The following ASPSCR1 variants were observed in gnomAD, a reference collection of about 807,000 sequenced individuals.
The protein encoded by ASPSCR1 is ASPSCR1 tether for SLC2A4, UBX domain containing, also known as tether containing UBX domain for GLUT4.
Under a neutral mutation model 68.9 loss-of-function variants are expected in ASPSCR1, and 55 were observed. That is an observed-to-expected ratio of 0.80 (90% CI 0.64 to 1.00). ASPSCR1 has a LOEUF of 1.00. ASPSCR1 is among the 50% of genes least tolerant of loss of function. The pLI is 0.00. For missense variants in ASPSCR1, 765 were observed against 762.2 expected (o/e 1.00, Z -0.04); for synonymous variants, 352 against 332.6 (o/e 1.06, Z -0.63).
In ASPSCR1 at chr17:82,014,797, TGGGGCAAGGGGTTGGCAGCAGAGAGGC is replaced by T. The variant is rs545387367; in HGVS notation, c.1354-1676_1354-1650del. The T allele has an allele frequency of 1.6e-4, 84 of 515,850 alleles. 1 individual carries two copies. In the South Asian group the frequency reaches 2.0e-3, roughly 12 times the overall value. 32.0% of individuals were successfully genotyped at this position (515,850 alleles called of 1,614,324 possible). On this transcript the variant is annotated intron_variant, in intron 12 of 15. Transcript: ENST00000306739. ...GGAAGCTCTTCCTGGCAACACTGAGTGGGGCAAGGGGTTGGCAGCAGAGAGGCGGCTGGATTTGGGGCCCCAGTGTCC... is the reference window on the plus strand; with the variant it reads ...GGAAGCTCTTCCTGGCAACACTGAGTGGCTGGATTTGGGGCCCCAGTGTCC...
intron 15 of ASPSCR1, 52 bp from the exon 16 acceptor site, chr17:82,017,257 C>T (rs923858097): frequency 1.2e-4 from 200 of 1,606,740 alleles, no homozygotes; most frequent in Middle Eastern, 3.5e-4. Flanking sequence ...GGCGGGTGGC[C>T]GGGTGGTGAG....
At chr17:82,016,349 T>C in intron 12 of ASPSCR1, 127 bp from the exon 13 acceptor site, 1 of 841,482 alleles carries the variant, frequency 1.2e-6, no homozygotes. Context: ...GATGGGCTCA[T>C]GGGGGCCGGG....
chr17:82,015,390 G>A, intron 12 of ASPSCR1: 1 of 1,573,704 alleles, frequency 6.4e-7, no homozygotes, highest in African/African-American at 1.3e-5. Flanking sequence ...CCTGCACAGA[G>A]GCGCAGACAG....
intron 4 of ASPSCR1, among the ~76,000 whole-genome samples, chr17:81,988,237 G>T (rs1298068264): frequency 6.6e-6 from 1 of 150,492 alleles, no homozygotes; most frequent in Non-Finnish European, 1.5e-5. Context: ...GAGGTGGGTG[G>T]ATCACCTGAG....
intron 3 of ASPSCR1, among the ~76,000 whole-genome samples, chr17:81,984,403 C>T (rs1196400390): frequency 1.3e-5 from 2 of 151,970 alleles, no homozygotes; most frequent in Middle Eastern, 3.2e-3. Context: ...ATAATGAAAC[C>T]CCGTCTCTAC....
intron 8 of ASPSCR1, 143 bp downstream of exon 8, chr17:82,009,334 T>G: frequency 1.4e-6 from 2 of 1,387,826 alleles, no homozygotes; most frequent in Non-Finnish European, 1.9e-6. Context: ...CCTCAGAGGG[T>G]TGGGGCCCAG....
At position 82,016,462 on chromosome 17, in the gene ASPSCR1, C is replaced by T. The variant is rs372038468; in HGVS notation, c.1354-14C>T. On this transcript the variant is annotated splice_polypyrimidine_tract_variant and intron_variant, in intron 12 of 15. Transcript: ENST00000306739. Reference sequence around the variant, plus strand: ...GCCCACACCCGGCCCCTGAGCCCCCCGCCCTCCCTGCAGGCGAACCTCTTC... The same window carrying T: ...GCCCACACCCGGCCCCTGAGCCCCCTGCCCTCCCTGCAGGCGAACCTCTTC... 51 of 1,547,110 alleles carry T rather than the reference C, an allele frequency of 3.3e-5. No homozygotes were observed. In the African/African-American group the frequency reaches 6.0e-4, roughly 18 times the overall value.
Position 81,979,354 on chromosome 17 carries a change from C to T in ASPSCR1, c.158+115C>T, listed in dbSNP as rs570559493. The T allele has an allele frequency of 2.1e-3, 2,491 of 1,180,484 alleles. 4 individuals carry two copies. The highest frequency in any genetic ancestry group is 2.7e-3 in the Non-Finnish European group (2,145 of 804,516). The allele number at this position is 1,180,484 out of a possible 1,614,324, so 73.1% of individuals were successfully genotyped here. A position where few individuals can be genotyped will look rare whatever the true frequency, so the allele number is the denominator to read the frequency against. On this transcript the variant is annotated intron_variant, in intron 2 of 15. Transcript: ENST00000306739. ...GGTGGTTTTAAACAGTCATATATTC[C>T]CTCCCAACTCTGGAGACCCAAGGCC...
intron 12 of ASPSCR1, chr17:82,013,805 T>G (rs1475997358): frequency 6.6e-6 from 1 of 152,658 alleles, no homozygotes; most frequent in Non-Finnish European, 1.5e-5. Context: ...GGCACCACTG[T>G]GGGGAACAAA....
chr17:81,983,507 G>A lies in ASPSCR1; in HGVS notation c.159-47G>A, dbSNP rs776731631. 18 of 1,465,390 alleles carry A rather than the reference G, an allele frequency of 1.2e-5. No individual in the cohort carries two copies. The highest frequency in any genetic ancestry group is 4.6e-5 in the East Asian group (2 of 43,012). 90.8% of individuals were successfully genotyped at this position (1,465,390 alleles called of 1,614,324 possible). On this transcript the variant is annotated intron_variant, in intron 2 of 15. Transcript: ENST00000306739. This position sits in a 1 kb window ranked among gnomAD's most constrained non-coding sequence, Gnocchi z 4.4. ...GATGGCGGGGCGTGGATGGCAGGGC[G>A]TGTCAGGCTCTGCAGGGCAGCAAGT...
rs112338243 is a variant in ASPSCR1 at position 81,989,518 on chromosome 17, C to T, written c.374+3911C>T. 9.3e-3 allele frequency among the ~76,000 whole-genome samples: 1,421 copies of T among 152,240 alleles called. 10 individuals are homozygous for T. Among genetic ancestry groups the T allele is most frequent in the Admixed American group, 0.013 (198 of 15,294 alleles). ...CTGATGTTTCTTCTTTCATGTGTTT[C>T]GGAGGAGGTCTGAGTCCAGGGACAG... On this transcript the variant is annotated intron_variant, in intron 4 of 15. Coordinates refer to ENST00000306739, the MANE Select transcript of ASPSCR1 (RefSeq NM_024083.4).
intron 3 of ASPSCR1, among the ~76,000 whole-genome samples, chr17:81,984,811 C>A (rs1232804255): frequency 2.2e-5 from 3 of 137,378 alleles, no homozygotes; most frequent in African/African-American, 8.1e-5. Flanking sequence ...ACCCACATAC[C>A]CGCACACCCG....
intron 7 of ASPSCR1, among the ~76,000 whole-genome samples, chr17:82,004,055 C>T (rs1029915874): frequency 6.6e-6 from 1 of 152,230 alleles, no homozygotes; most frequent in Admixed American, 6.5e-5. Context: ...TTGGGGCCAC[C>T]TCCGAATGGG....
At chr17:82,003,735 G>T in intron 7 of ASPSCR1, among the ~76,000 whole-genome samples, 1 of 152,344 alleles carries the variant, frequency 6.6e-6, no homozygotes, top group Non-Finnish European at 1.5e-5. Context: ...TGTCCACGCC[G>T]GTCGCAGCGG....
Position 81,986,215 on chromosome 17 carries a change from T to C in ASPSCR1, c.374+608T>C, listed in dbSNP as rs1221261713. On this transcript the variant is annotated intron_variant, in intron 4 of 15. Coordinates refer to ENST00000306739, the MANE Select transcript of ASPSCR1 (RefSeq NM_024083.4). The surrounding 1 kb of genome is among the most constrained non-coding windows in gnomAD (Gnocchi z 5.2). ...GAGGCTGGCGAATCGCTTGAGCTCATGAGTTCAAGACTAGCCTCGGCAACA... is the reference window on the plus strand; with the variant it reads ...GAGGCTGGCGAATCGCTTGAGCTCACGAGTTCAAGACTAGCCTCGGCAACA... Among the ~76,000 whole-genome samples the C allele has an allele frequency of 6.6e-6, 1 of 152,072 alleles. No homozygotes were observed. The highest frequency in any genetic ancestry group is 2.4e-5 in the African/African-American group (1 of 41,422).
intron 7 of ASPSCR1, among the ~76,000 whole-genome samples, chr17:82,004,089 A>G (rs2042625686): frequency 6.6e-6 from 1 of 152,216 alleles, no homozygotes; most frequent in Non-Finnish European, 1.5e-5. Flanking sequence ...TCTGTGTGTC[A>G]TCACATCCTG....
intron 4 of ASPSCR1, among the ~76,000 whole-genome samples, chr17:81,994,116 T>A (rs1168742187): frequency 1.3e-5 from 2 of 152,260 alleles, no homozygotes; most frequent in Admixed American, 1.3e-4. Context: ...TGACGGCATG[T>A]GCCCGTCTCC....
At chr17:82,000,270 C>T (rs951185255) in intron 7 of ASPSCR1, among the ~76,000 whole-genome samples, 1 of 152,228 alleles carries the variant, frequency 6.6e-6, no homozygotes, top group South Asian at 2.1e-4. Context: ...GGGCTCGCAG[C>T]CCAGAGTAGT....
intron 7 of ASPSCR1, chr17:82,007,782 G>A (rs561662085): frequency 1.3e-5 from 2 of 152,358 alleles, no homozygotes; most frequent in Admixed American, 6.5e-5. Context: ...GCGTGCTCGC[G>A]GCCCTCTGGA....
Sources: allele counts gnomAD v4.1 joint callset (sites outside exome capture counted in the v4.1 genomes callset), GRCh38; gene constraint gnomAD v4.1.1; non-coding constraint Gnocchi (gnomAD v3.1); transcripts MANE v1.5; gene names NCBI Gene and HGNC (gene_info 2026-07-23, HGNC 2026-07-21).